The following MEGF10 variants were observed in gnomAD, a reference collection of about 807,000 sequenced individuals.
MEGF10 encodes the protein multiple epidermal growth factor-like domains protein 10.
Under a neutral mutation model 147.5 loss-of-function variants are expected in MEGF10, and 86 were observed. The observed-to-expected ratio is 0.58, with a 90% CI of 0.49 to 0.70. The LOEUF (loss-of-function observed/expected upper bound fraction) is 0.70, where lower values mean the gene tolerates loss of function less well. Ranked by LOEUF, MEGF10 falls within the 30% of genes least tolerant of loss-of-function variation. MEGF10 has a pLI of 0.00. For synonymous variants in MEGF10, 478 were observed against 525.5 expected, an observed-to-expected ratio of 0.91 and a Z score of 1.24; for missense variants, 1,329 against 1,487.3, an observed-to-expected ratio of 0.89 and a Z score of 1.75.
chr5:127,236,101 T>G, the MEGF10 span, among the ~76,000 whole-genome samples: 2 of 152,118 alleles, frequency 1.3e-5, no homozygotes, highest in African/African-American at 2.4e-5. Flanking sequence ...GCCTCCCAAG[T>G]AGCTGGGACT....
chr5:127,378,606 C>G (rs1171540353), intron 5 of MEGF10, among the ~76,000 whole-genome samples: 1 of 152,146 alleles, frequency 6.6e-6, no homozygotes. Flanking sequence ...GCACACACCA[C>G]CAAACCCAGC....
intron 9 of MEGF10, among the ~76,000 whole-genome samples, chr5:127,414,218 C>T (rs1764674231): frequency 6.6e-6 from 1 of 152,196 alleles, no homozygotes; most frequent in African/African-American, 2.4e-5. Context: ...CTGGTCCCCT[C>T]AGCAGGCTGT....
At chr5:127,289,749 A>T (rs1759152232), upstream of MEGF10, among the ~76,000 whole-genome samples, 1 of 152,204 alleles carries the variant, frequency 6.6e-6, no homozygotes, top group Non-Finnish European at 1.5e-5. Flanking sequence ...GTTATTGAGT[A>T]GGGACTCGAA....
At chr5:127,439,905 G>A (rs1001709851) in intron 17 of MEGF10, among the ~76,000 whole-genome samples, 1 of 152,230 alleles carries the variant, frequency 6.6e-6, no homozygotes, top group Non-Finnish European at 1.5e-5. Flanking sequence ...ATAAATGCAT[G>A]ACAGCAGGGA....
At chr5:127,309,400 T>TG (rs1760160334) in intron 1 of MEGF10, among the ~76,000 whole-genome samples, 4 of 152,242 alleles carry the variant, frequency 2.6e-5, no homozygotes, top group African/African-American at 9.6e-5. Context: ...AACTTTTTCA[T>TG]GATCCCAAAT....
At chr5:127,371,391 A>G (rs1762847451) in intron 5 of MEGF10, among the ~76,000 whole-genome samples, 1 of 152,124 alleles carries the variant, frequency 6.6e-6, no homozygotes, top group African/African-American at 2.4e-5. Flanking sequence ...GATTTGGCTC[A>G]TGTCCATTTT....
chr5:127,443,235 C>T (rs2127020376), intron 19 of MEGF10, 109 bp downstream of exon 19: 6 of 1,162,488 alleles, frequency 5.2e-6, no homozygotes, highest in Non-Finnish European at 6.9e-6. Flanking sequence ...TTCACCACAA[C>T]TCTAAATGGC....
rs558200628 is a variant in MEGF10, at chr5:127,324,994, C to T, written c.-18-6297C>T. On this transcript the variant is annotated intron_variant, in intron 1 of 24. Coordinates refer to ENST00000503335, the MANE Select transcript of MEGF10 (RefSeq NM_001256545.2). ...ATTGTCGCCATCAGCCAGGCCTGTTCGTATATCTGCTCTTACCTGATTGTC... is the reference window on the plus strand; with the variant it reads ...ATTGTCGCCATCAGCCAGGCCTGTTTGTATATCTGCTCTTACCTGATTGTC... 8.8e-4 allele frequency among the ~76,000 whole-genome samples: 134 copies of T among 152,292 alleles called. 1 individual carries two copies. Among genetic ancestry groups the T allele is most frequent in the Non-Finnish European group, 1.5e-3 (100 of 68,036 alleles).
chr5:127,245,434 T>G, the MEGF10 span, among the ~76,000 whole-genome samples: 1 of 152,100 alleles, frequency 6.6e-6, no homozygotes, highest in Non-Finnish European at 1.5e-5. Context: ...GACCCCTTCC[T>G]TACACCTTAT....
intron 4 of MEGF10, among the ~76,000 whole-genome samples, chr5:127,350,105 C>T (rs1226241980): frequency 6.6e-6 from 1 of 152,090 alleles, no homozygotes; most frequent in Non-Finnish European, 1.5e-5. Flanking sequence ...GAAGTGAAAT[C>T]ACAACCTCTA....
At chr5:127,338,225 A>T (rs1261184449) in intron 2 of MEGF10, among the ~76,000 whole-genome samples, 1 of 152,120 alleles carries the variant, frequency 6.6e-6, no homozygotes, top group Admixed American at 6.6e-5. Context: ...TGTGTGAATT[A>T]AAGATTTTAC....
chr5:127,266,056 C>G, the MEGF10 span, among the ~76,000 whole-genome samples: 1 of 152,068 alleles, frequency 6.6e-6, no homozygotes. Flanking sequence ...GGTTTTAGGT[C>G]TAACATTTAA....
At chr5:127,282,026 C>T in the MEGF10 span, among the ~76,000 whole-genome samples, 2 of 152,230 alleles carry the variant, frequency 1.3e-5, no homozygotes, top group African/African-American at 4.8e-5. Flanking sequence ...CTTTCCAATT[C>T]CTTTCCTCCT....
intron 20 of MEGF10, among the ~76,000 whole-genome samples, chr5:127,446,843 A>C (rs1182794049): frequency 6.6e-6 from 1 of 152,192 alleles, no homozygotes; most frequent in Non-Finnish European, 1.5e-5. Flanking sequence ...TAAGGCAGGT[A>C]AGCTCTGATT....
At chr5:127,267,698 G>A in the MEGF10 span, among the ~76,000 whole-genome samples, 1 of 152,152 alleles carries the variant, frequency 6.6e-6, no homozygotes, top group African/African-American at 2.4e-5. Flanking sequence ...AGATTTTCTA[G>A]TTTATTTGCA....
the MEGF10 span, among the ~76,000 whole-genome samples, chr5:127,262,319 T>C: frequency 6.6e-6 from 1 of 152,196 alleles, no homozygotes; most frequent in Admixed American, 6.5e-5. Context: ...AACTTCATTC[T>C]TTTGCATATG....
intron 3 of MEGF10, 66 bp downstream of exon 3, chr5:127,339,287 T>G: frequency 9.1e-7 from 1 of 1,095,430 alleles, no homozygotes; most frequent in Non-Finnish European, 1.4e-6. Context: ...ACAGAGATAT[T>G]AATGACAGCA....
chr5:127,441,780 C>G (rs1313740312), intron 18 of MEGF10, among the ~76,000 whole-genome samples: 1 of 152,098 alleles, frequency 6.6e-6, no homozygotes, highest in African/African-American at 2.4e-5. Context: ...ATCAGGATAG[C>G]AGGACTCTGA....
At chr5:127,374,555 C>T (rs776233114) in intron 5 of MEGF10, among the ~76,000 whole-genome samples, 1 of 152,154 alleles carries the variant, frequency 6.6e-6, no homozygotes, top group African/African-American at 2.4e-5. Context: ...AGCAATTCAT[C>T]TTAGAAGTGA....
Sources: allele counts gnomAD v4.1 joint callset (sites outside exome capture counted in the v4.1 genomes callset), GRCh38; gene constraint gnomAD v4.1.1; transcripts MANE v1.5; gene names NCBI Gene and HGNC (gene_info 2026-07-23, HGNC 2026-07-21).